Variants in CSMD1 observed in about 807,000 individuals in gnomAD.
CSMD1 encodes the protein CUB and Sushi multiple domains 1.
Under a neutral mutation model 417.5 loss-of-function variants are expected in CSMD1, and 213 were observed. That is an observed-to-expected ratio of 0.51 (90% CI 0.46 to 0.57). The LOEUF (loss-of-function observed/expected upper bound fraction) is 0.57, where lower values mean the gene tolerates loss of function less well. Among genes scored for constraint, CSMD1 ranks in the 20% least tolerant of loss-of-function variants. CSMD1 has a pLI of 0.00. For synonymous variants in CSMD1, 2,862 were observed against 1,736.8 expected, an observed-to-expected ratio of 1.65 and a Z score of -16.11; for missense variants, 6,923 against 4,529.7, an observed-to-expected ratio of 1.53 and a Z score of -15.17.
At chr8:3,197,515 G>C (rs6558729) in intron 33 of CSMD1, among the ~76,000 whole-genome samples, 30,521 of 148,832 alleles carry the variant, frequency 0.21, 3,231 homozygotes, top group South Asian at 0.31. Context: ...ACCCAGGCTG[G>C]AGTGCAGTGG....
chr8:3,127,037 T>A (rs1237077596), intron 41 of CSMD1, among the ~76,000 whole-genome samples: 1 of 152,154 alleles, frequency 6.6e-6, no homozygotes, highest in Non-Finnish European at 1.5e-5. Flanking sequence ...AGAAAACCCA[T>A]ACAAGAAGGA....
At chr8:3,745,463 T>C (rs1168379794) in intron 6 of CSMD1, among the ~76,000 whole-genome samples, 1 of 152,212 alleles carries the variant, frequency 6.6e-6, no homozygotes. Context: ...CTTGACGTAA[T>C]CTGAGACAGT....
chr8:4,199,675 C>A (rs61308067), intron 3 of CSMD1, among the ~76,000 whole-genome samples: 18,193 of 152,080 alleles, frequency 0.12, 1,227 homozygotes, highest in East Asian at 0.25. Flanking sequence ...GCTGGACAGG[C>A]AAGGCAGTCC....
chr8:3,741,021 C>G lies in CSMD1; in HGVS notation c.931+12909G>C, dbSNP rs142219078. ...CCTCAGGTCAGGATTTCCAGACCAG[C>G]CTGGCCAACATGGTCAAACTCCGTC... On this transcript the variant is annotated intron_variant, in intron 6 of 69. Transcript: ENST00000635120. Among the ~76,000 whole-genome samples the G allele has an allele frequency of 4.8e-3, 735 of 152,020 alleles. 5 individuals are homozygous for G. The highest frequency in any genetic ancestry group is 0.017 in the African/African-American group (696 of 41,460).
At chr8:4,296,119 A>T (rs74389756) in intron 3 of CSMD1, among the ~76,000 whole-genome samples, 6,594 of 152,172 alleles carry the variant, frequency 0.043, 197 homozygotes, top group South Asian at 0.11. Flanking sequence ...AATCTTAATC[A>T]AAACCACAAT....
At chr8:4,379,936 C>A (rs992382159) in intron 3 of CSMD1, among the ~76,000 whole-genome samples, 3 of 152,202 alleles carry the variant, frequency 2.0e-5, no homozygotes, top group African/African-American at 7.2e-5. Context: ...GGCCAGCATA[C>A]ACTCTGGAGA....
chr8:4,615,306 A>G (rs546683396), intron 2 of CSMD1, among the ~76,000 whole-genome samples: 2 of 152,334 alleles, frequency 1.3e-5, no homozygotes, highest in East Asian at 3.9e-4. Context: ...GGGTTTACGC[A>G]GTATCTTCCC....
At chr8:3,262,402 G>C (rs1228270717) in intron 26 of CSMD1, among the ~76,000 whole-genome samples, 1 of 151,186 alleles carries the variant, frequency 6.6e-6, no homozygotes, top group Non-Finnish European at 1.5e-5. Context: ...TCCATTTTCA[G>C]CATCACCCAT....
intron 3 of CSMD1, among the ~76,000 whole-genome samples, chr8:4,360,443 T>C (rs17070077): frequency 0.083 from 12,702 of 152,210 alleles, 812 homozygotes; most frequent in African/African-American, 0.18. Context: ...TTTTAAGTCA[T>C]AGAAGAGCCC....
In CSMD1 at chr8:3,241,968, C is replaced by G. The variant is rs931479548; in HGVS notation, c.4154-11737G>C. ...AATAAAATGTATATTGAGAATAAGA[C>G]GGCCTTTTGACCTTTTAGGGTCTAG... On this transcript the variant is annotated intron_variant, in intron 26 of 69. Coordinates refer to ENST00000635120, the MANE Select transcript of CSMD1 (RefSeq NM_033225.6). 5.0e-4 allele frequency among the ~76,000 whole-genome samples: 66 copies of G among 132,552 alleles called. 1 individual carries two copies. The highest frequency in any genetic ancestry group is 1.7e-3 in the African/African-American group (61 of 36,108). The allele number at this position is 132,552 out of a possible 152,430, so 87.0% of individuals were successfully genotyped here.
At chr8:3,370,076 A>G (rs17065982) in intron 18 of CSMD1, among the ~76,000 whole-genome samples, 12,165 of 152,288 alleles carry the variant, frequency 0.08, 639 homozygotes, top group East Asian at 0.22. Context: ...ACCTACTGAT[A>G]GATACTGATC....
intron 1 of CSMD1, among the ~76,000 whole-genome samples, chr8:4,774,320 G>C (rs1025338870): frequency 3.3e-5 from 5 of 152,142 alleles, no homozygotes; most frequent in Non-Finnish European, 7.3e-5. Flanking sequence ...TATAGTAATT[G>C]AGGGCAGGTC....
At position 3,202,770 on chromosome 8, in the gene CSMD1, G is replaced by A. The variant is rs1294779518; in HGVS notation, c.4985-1045C>T. ...TGTAACAGTGTGTGTGCCCATGTGT[G>A]TATAGACACACATACATATATTTAT... On this transcript the variant is annotated intron_variant, in intron 31 of 69. Transcript: ENST00000635120. Among the ~76,000 whole-genome samples the A allele has an allele frequency of 2.6e-5, 4 of 152,250 alleles. No homozygotes were observed. In the East Asian group the frequency reaches 7.7e-4, roughly 29 times the overall value.
intron 48 of CSMD1, 45 bp from the exon 49 acceptor site, chr8:3,087,330 A>G (rs1480586129): frequency 1.3e-6 from 2 of 1,588,938 alleles, no homozygotes; most frequent in Admixed American, 3.3e-5. Flanking sequence ...ACAAGCAAAC[A>G]AATGGCCAGT....
rs993749237 is a variant in CSMD1, at chr8:4,015,167, C to T, written c.610+16738G>A. ...GAAAGCTAGGTTTCTTATATAAAAA[C>T]TGTCCCATTCAGTCTTACTTTGTAT... On this transcript the variant is annotated intron_variant, in intron 4 of 69. Transcript: ENST00000635120. Among the ~76,000 whole-genome samples the T allele has an allele frequency of 2.6e-5, 4 of 152,306 alleles. No homozygotes were observed. In the East Asian group the frequency reaches 7.7e-4, roughly 29 times the overall value.
intron 3 of CSMD1, among the ~76,000 whole-genome samples, chr8:4,106,077 T>C (rs1266402035): frequency 1.3e-5 from 2 of 152,292 alleles, no homozygotes; most frequent in South Asian, 4.1e-4. Context: ...GAGAAAGAGC[T>C]ATGTAGAGTC....
chr8:4,250,995 C>G (rs182501274), intron 3 of CSMD1, among the ~76,000 whole-genome samples: 211 of 152,244 alleles, frequency 1.4e-3, no homozygotes, highest in African/African-American at 4.9e-3. Context: ...CTGATATTTC[C>G]TAAATCACAG....
intron 2 of CSMD1, among the ~76,000 whole-genome samples, chr8:4,578,494 T>A (rs1231171613): frequency 6.6e-6 from 1 of 151,682 alleles, no homozygotes; most frequent in African/African-American, 2.4e-5. Flanking sequence ...CCACAAATAT[T>A]CAGAGTATTA....
intron 3 of CSMD1, among the ~76,000 whole-genome samples, chr8:4,054,945 G>C (rs1238822135): frequency 3.3e-5 from 5 of 152,130 alleles, no homozygotes; most frequent in East Asian, 1.9e-4. Flanking sequence ...AAAGTACAAA[G>C]AGACATCAAA....
Sources: gnomAD v4.1 joint callset for allele counts (sites outside exome capture counted in the v4.1 genomes callset) on GRCh38, gnomAD v4.1.1 for gene constraint, MANE v1.5 for transcripts, NCBI Gene and HGNC (gene_info 2026-07-23, HGNC 2026-07-21) for gene names.